The following SGK1 variants were observed in gnomAD, a reference collection of about 807,000 sequenced individuals.
SGK1 encodes the protein serine/threonine-protein kinase Sgk1.
In SGK1, 26 loss-of-function variants were observed where a neutral mutation model predicts 64.2. The ratio of observed to expected loss-of-function variants is 0.40; its 90% CI spans 0.30 to 0.56. SGK1 has a LOEUF of 0.56. Among genes scored for constraint, SGK1 ranks in the 20% least tolerant of loss-of-function variants. The pLI is 0.38. For missense variants in SGK1, 519 were observed against 645.6 expected (o/e 0.80, Z 2.12); for synonymous variants, 265 against 239.7 (o/e 1.11, Z -0.98).
At chr6:134,253,289 T>C (rs1776632153) in intron 2 of SGK1, among the ~76,000 whole-genome samples, 1 of 148,224 alleles carries the variant, frequency 6.7e-6, no homozygotes, top group African/African-American at 2.4e-5. Flanking sequence ...CGTCTTTTGT[T>C]TTTCTTTTTT....
At chr6:134,224,882 G>A (rs946777413) in intron 2 of SGK1, among the ~76,000 whole-genome samples, 11 of 151,708 alleles carry the variant, frequency 7.3e-5, no homozygotes, top group Middle Eastern at 3.4e-3. Context: ...TTAGCCAGGC[G>A]TGGTAGCACA....
intron 3 of SGK1, chr6:134,175,715 G>A: frequency 7.2e-7 from 1 of 1,395,338 alleles, no homozygotes; most frequent in Non-Finnish European, 9.3e-7. Flanking sequence ...GAGCACTGAC[G>A]TTTCCTTGAA....
rs572074136 is a variant in SGK1, at chr6:134,265,808, T to TAC, written c.70-3662_70-3661dup. Among the ~76,000 whole-genome samples the TAC allele has an allele frequency of 1.5e-3, 232 of 150,920 alleles. No homozygotes were observed. In the Middle Eastern group the frequency reaches 0.028, roughly 18 times the overall value. On this transcript the variant is annotated intron_variant, in intron 1 of 13. Coordinates refer to ENST00000367858, the MANE Select transcript of SGK1 (RefSeq NM_001143676.3). ...AGAATCATAAATGTATATATATATATACATTTCTTTAAAAAATAGAGTCTC... is the reference window on the plus strand; with the variant it reads ...AGAATCATAAATGTATATATATATATACACATTTCTTTAAAAAATAGAGTCTC...
chr6:134,258,164 G>A (rs974402542), intron 2 of SGK1, among the ~76,000 whole-genome samples: 8 of 151,168 alleles, frequency 5.3e-5, no homozygotes, highest in African/African-American at 1.9e-4. Context: ...GTGCTGTGGT[G>A]CCATCTTGGT....
intron 1 of SGK1, among the ~76,000 whole-genome samples, chr6:134,289,703 G>A (rs2114779067): frequency 6.6e-6 from 1 of 152,090 alleles, no homozygotes; most frequent in Non-Finnish European, 1.5e-5. Flanking sequence ...ATAGTCACAT[G>A]TAGCTGGTGG....
chr6:134,283,974 T>A (rs555322253), intron 1 of SGK1, among the ~76,000 whole-genome samples: 3 of 147,706 alleles, frequency 2.0e-5, no homozygotes, highest in African/African-American at 7.4e-5. Flanking sequence ...ATTAAATGAG[T>A]CCCTTCCTTA....
intron 10 of SGK1, 170 bp from the exon 11 acceptor site, chr6:134,171,902 T>C: frequency 1.6e-6 from 1 of 624,486 alleles, no homozygotes; most frequent in Non-Finnish European, 2.8e-6. Context: ...ACTGGCTACC[T>C]ATGTGTACTG....
chr6:134,198,932 C>T (rs1025295379), intron 3 of SGK1, among the ~76,000 whole-genome samples: 1 of 152,032 alleles, frequency 6.6e-6, no homozygotes, highest in African/African-American at 2.4e-5. Flanking sequence ...GTCACCCAGG[C>T]TGGAGTGCAA....
intron 9 of SGK1, 72 bp from the exon 10 acceptor site, chr6:134,172,388 T>A (rs1775058524): frequency 1.4e-6 from 2 of 1,471,898 alleles, no homozygotes; most frequent in Admixed American, 3.6e-5. Context: ...TTAAAGATAA[T>A]TGCTAAAGGT....
intron 1 of SGK1, among the ~76,000 whole-genome samples, chr6:134,283,714 C>T (rs1777131365): frequency 6.6e-6 from 1 of 151,192 alleles, no homozygotes; most frequent in Non-Finnish European, 1.5e-5. Flanking sequence ...GGCATGGTGG[C>T]AAACACCTGC....
In SGK1 at chr6:134,317,383, T is replaced by C. The variant is rs1777702176; in HGVS notation, c.69+9A>G. The C allele has an allele frequency of 6.4e-7, 1 of 1,559,946 alleles. No homozygotes were observed. The highest frequency in any genetic ancestry group is 1.4e-5 in the African/African-American group (1 of 73,988). Reference sequence around the variant, plus strand: ...GAAAACAAAAGAAATAAGCAAAACCTGTCCTTACCCGCTTCTTAAAAAATT... The same window carrying C: ...GAAAACAAAAGAAATAAGCAAAACCCGTCCTTACCCGCTTCTTAAAAAATT... On this transcript the variant is annotated intron_variant, in intron 1 of 13. Coordinates refer to ENST00000367858, the MANE Select transcript of SGK1 (RefSeq NM_001143676.3).
intron 1 of SGK1, among the ~76,000 whole-genome samples, chr6:134,306,139 G>A (rs1444435227): frequency 6.6e-6 from 1 of 152,178 alleles, no homozygotes; most frequent in East Asian, 1.9e-4. Context: ...ATAGCACAAG[G>A]CCGGGCGCGG....
At chr6:134,185,716 A>G (rs1439037859) in intron 3 of SGK1, among the ~76,000 whole-genome samples, 2 of 152,100 alleles carry the variant, frequency 1.3e-5, no homozygotes, top group Non-Finnish European at 2.9e-5. Flanking sequence ...ATGAAAGCTG[A>G]GAAATCCCAT....
chr6:134,294,106 C>A (rs75132974), intron 1 of SGK1, among the ~76,000 whole-genome samples: 1 of 152,156 alleles, frequency 6.6e-6, no homozygotes, highest in Non-Finnish European at 1.5e-5. Flanking sequence ...AGCAAAGAAC[C>A]CTTTGGCAGT....
rs1469297245 is a variant in SGK1 at position 134,226,605 on chromosome 6, GA to G, written c.286-19175del. On this transcript the variant is annotated intron_variant, in intron 2 of 13. Coordinates refer to ENST00000367858, the MANE Select transcript of SGK1 (RefSeq NM_001143676.3). ...GCTACCTGGGAAGCTGAGGTGGGAGGATCGCCTAAGCCTCGGAAGTTGAGGC... is the reference window on the plus strand; with the variant it reads ...GCTACCTGGGAAGCTGAGGTGGGAGGTCGCCTAAGCCTCGGAAGTTGAGGC... Among the ~76,000 whole-genome samples, 3 of 151,062 alleles carry G rather than the reference GA, an allele frequency of 2.0e-5. No homozygotes were observed. The East Asian group carries it at 5.9e-4, about 30-fold the overall frequency.
rs1196502373 is a variant in SGK1 at position 134,171,380 on chromosome 6, T to TGA, written c.1168-204_1168-203dup. ...TGTTTGTGTGTGTGTGTGTGGAGGGTGAGGGGGTAGATGTTAATAAGTGGT... is the reference window on the plus strand; with the variant it reads ...TGTTTGTGTGTGTGTGTGTGGAGGGTGAGAGGGGGTAGATGTTAATAAGTGGT... On this transcript the variant is annotated intron_variant, in intron 11 of 13. Coordinates refer to ENST00000367858, the MANE Select transcript of SGK1 (RefSeq NM_001143676.3). The TGA allele has an allele frequency of 4.0e-5, 25 of 618,508 alleles. No individual in the cohort carries two copies. The Admixed American group carries it at 7.3e-4, about 18-fold the overall frequency. The allele number at this position is 618,508 out of a possible 1,614,324, so 38.3% of individuals were successfully genotyped here.
intron 2 of SGK1, among the ~76,000 whole-genome samples, chr6:134,213,390 G>A (rs1244085858): frequency 5.3e-5 from 8 of 151,774 alleles, no homozygotes; most frequent in Non-Finnish European, 1.0e-4. Context: ...GTGTGGTGGC[G>A]CACACCTGTA....
chr6:134,229,273 C>T (rs1480202892), intron 2 of SGK1, among the ~76,000 whole-genome samples: 1 of 152,202 alleles, frequency 6.6e-6, no homozygotes, highest in Admixed American at 6.5e-5. Context: ...CCTTTCCCTT[C>T]CCGTTAAACT....
intron 2 of SGK1, among the ~76,000 whole-genome samples, chr6:134,239,910 T>C (rs1776417093): frequency 6.6e-6 from 1 of 151,970 alleles, no homozygotes; most frequent in Admixed American, 6.6e-5. Context: ...AGGCAGTGGA[T>C]AAGAGAAATG....
Sources: allele counts gnomAD v4.1 joint callset (sites outside exome capture counted in the v4.1 genomes callset), GRCh38; gene constraint gnomAD v4.1.1; transcripts MANE v1.5; gene names NCBI Gene and HGNC (gene_info 2026-07-23, HGNC 2026-07-21).